Variants in STXBP5L observed in about 807,000 individuals in gnomAD.
STXBP5L encodes syntaxin-binding protein 5-like.
A neutral mutation model predicts 144.5 loss-of-function variants in STXBP5L; 65 were observed. That is an observed-to-expected ratio of 0.45 (90% CI 0.37 to 0.55). STXBP5L has a LOEUF of 0.55. Among genes scored for constraint, STXBP5L ranks in the 20% least tolerant of loss-of-function variants. The pLI, the probability that STXBP5L is intolerant of heterozygous loss-of-function variation, is 0.00. For synonymous variants in STXBP5L, 505 were observed against 469.6 expected (o/e 1.08, Z -0.97); for missense variants, 1,298 against 1,405.5 (o/e 0.92, Z 1.22).
intron 4 of STXBP5L, among the ~76,000 whole-genome samples, chr3:121,044,054 CA>C (rs1256954535): frequency 6.6e-6 from 1 of 152,022 alleles, no homozygotes; most frequent in African/African-American, 2.4e-5. Context: ...ATAAAACAGG[CA>C]AACAAACACA....
chr3:121,219,032 A>G (rs2048892408), intron 10 of STXBP5L, among the ~76,000 whole-genome samples: 1 of 152,192 alleles, frequency 6.6e-6, no homozygotes, highest in Non-Finnish European at 1.5e-5. Context: ...TTGCTAGTCA[A>G]TAATACAACT....
intron 7 of STXBP5L, among the ~76,000 whole-genome samples, chr3:121,127,698 C>T (rs993894611): frequency 6.6e-6 from 1 of 151,854 alleles, no homozygotes; most frequent in South Asian, 2.1e-4. Flanking sequence ...AAGTCACATT[C>T]TGAGGTTCTG....
intron 3 of STXBP5L, among the ~76,000 whole-genome samples, chr3:121,000,580 C>A (rs1943691135): frequency 6.6e-6 from 1 of 152,170 alleles, no homozygotes; most frequent in African/African-American, 2.4e-5. Context: ...ATGATCATTG[C>A]CATTGCCATC....
chr3:121,144,430 A>G (rs781113650), intron 7 of STXBP5L, among the ~76,000 whole-genome samples: 16 of 151,906 alleles, frequency 1.1e-4, no homozygotes, highest in South Asian at 2.1e-4. Context: ...CCAAGAATAG[A>G]TACTAGGATC....
chr3:121,406,811 GAAGTT>G (rs1201003452), intron 22 of STXBP5L, among the ~76,000 whole-genome samples: 1 of 151,864 alleles, frequency 6.6e-6, no homozygotes, highest in African/African-American at 2.4e-5. Flanking sequence ...TTTTTCAGTT[GAAGTT>G]ATTTCAATAA....
intron 3 of STXBP5L, among the ~76,000 whole-genome samples, chr3:121,003,523 G>A (rs13314307): frequency 0.099 from 15,079 of 152,116 alleles, 1,178 homozygotes; most frequent in Admixed American, 0.2. Flanking sequence ...TCTGATGGTA[G>A]TTTCTTTTGC....
chr3:121,167,335 G>T lies in STXBP5L; in HGVS notation c.877+9708G>T, dbSNP rs140176790. Reference sequence around the variant, plus strand: ...ACACATTTCAAATTAACAACCATTGGAATCCATCCTCATATAAAGATGGTA... The same window carrying T: ...ACACATTTCAAATTAACAACCATTGTAATCCATCCTCATATAAAGATGGTA... On this transcript the variant is annotated intron_variant, in intron 9 of 26. Transcript: ENST00000471454. Among the ~76,000 whole-genome samples the T allele has an allele frequency of 2.9e-3, 436 of 152,168 alleles. 2 individuals are homozygous for T. The highest frequency in any genetic ancestry group is 1.3e-3 in the Non-Finnish European group (87 of 68,000).
intron 5 of STXBP5L, among the ~76,000 whole-genome samples, chr3:121,053,279 G>A (rs948278412): frequency 6.6e-6 from 1 of 152,018 alleles, no homozygotes; most frequent in African/African-American, 2.4e-5. Flanking sequence ...ATCCCCCATT[G>A]CCAAGTCAAT....
chr3:121,062,816 A>G (rs529961769), intron 5 of STXBP5L, among the ~76,000 whole-genome samples: 1 of 152,132 alleles, frequency 6.6e-6, no homozygotes, highest in African/African-American at 2.4e-5. Flanking sequence ...ATACTTGTAT[A>G]TGCTTCACAA....
intron 5 of STXBP5L, among the ~76,000 whole-genome samples, chr3:121,089,100 A>T (rs1454874928): frequency 2.7e-5 from 3 of 111,334 alleles, no homozygotes; most frequent in African/African-American, 1.1e-4. Flanking sequence ...AATAAAAAAA[A>T]AAAAAAAAAA....
At chr3:121,417,066 A>G (rs1207389689) in intron 25 of STXBP5L, among the ~76,000 whole-genome samples, 2 of 152,208 alleles carry the variant, frequency 1.3e-5, no homozygotes, top group Non-Finnish European at 2.9e-5. Flanking sequence ...GCCAGACAAA[A>G]AAAAGGCCAC....
At chr3:121,317,415 G>T (rs558515376) in intron 19 of STXBP5L, among the ~76,000 whole-genome samples, 1 of 152,252 alleles carries the variant, frequency 6.6e-6, no homozygotes, top group Non-Finnish European at 1.5e-5. Context: ...CAAGAGTTGG[G>T]CTAGGTTGTC....
In STXBP5L at chr3:121,194,285, A is replaced by G. The variant is rs1293855434; in HGVS notation, c.878-11638A>G. 2.0e-5 allele frequency among the ~76,000 whole-genome samples: 3 copies of G among 152,234 alleles called. No homozygotes were observed. In the East Asian group the frequency reaches 5.8e-4, roughly 29 times the overall value. ...CATTTCAAAGCAATAAAACCATACA[A>G]TATTTGGCATTTTGTCACTGGCTTT... On this transcript the variant is annotated intron_variant, in intron 9 of 26. Transcript: ENST00000471454.
At chr3:121,287,134 T>G (rs1466450910) in intron 19 of STXBP5L, among the ~76,000 whole-genome samples, 1 of 152,124 alleles carries the variant, frequency 6.6e-6, no homozygotes, top group Non-Finnish European at 1.5e-5. Context: ...TGCCCAACAC[T>G]CAAATAAAGG....
intron 11 of STXBP5L, among the ~76,000 whole-genome samples, chr3:121,230,142 TG>T (rs1464627049): frequency 6.6e-6 from 1 of 152,226 alleles, no homozygotes; most frequent in Admixed American, 6.5e-5. Context: ...AGATTACTTA[TG>T]AAAACTGAGA....
At chr3:121,238,484 G>T (rs1226797498) in intron 12 of STXBP5L, among the ~76,000 whole-genome samples, 2 of 151,608 alleles carry the variant, frequency 1.3e-5, no homozygotes, top group Admixed American at 6.6e-5. Context: ...CCAACACTGG[G>T]GACTAAATTT....
In STXBP5L at chr3:121,315,463, C is replaced by T. The variant is rs551536975; in HGVS notation, c.2111-3012C>T. ...GAACACATGGACACAGGAAGGGGAA[C>T]ATCACACTCTGGGGACTGTTGTGGG... On this transcript the variant is annotated intron_variant, in intron 19 of 26. Transcript: ENST00000471454. 6.1e-5 allele frequency among the ~76,000 whole-genome samples: 8 copies of T among 130,906 alleles called. No homozygotes were observed. The South Asian group carries it at 1.5e-3, about 24-fold the overall frequency. The allele number at this position is 130,906 out of a possible 152,430, so 85.9% of individuals were successfully genotyped here. A position where few individuals can be genotyped will look rare whatever the true frequency, so the allele number is the denominator to read the frequency against.
intron 22 of STXBP5L, among the ~76,000 whole-genome samples, chr3:121,405,160 G>T (rs2046966586): frequency 6.6e-6 from 1 of 151,954 alleles, no homozygotes; most frequent in African/African-American, 2.4e-5. Context: ...TTCCTTAAAG[G>T]CTCCCTCTTC....
At chr3:121,194,622 T>A (rs1362321389) in intron 9 of STXBP5L, among the ~76,000 whole-genome samples, 2 of 152,178 alleles carry the variant, frequency 1.3e-5, no homozygotes, top group African/African-American at 2.4e-5. Flanking sequence ...CTGTTTTTTT[T>A]GGAGGGTTTG....
Sources: gnomAD v4.1 joint callset for allele counts (sites outside exome capture counted in the v4.1 genomes callset) on GRCh38, gnomAD v4.1.1 for gene constraint, MANE v1.5 for transcripts, NCBI Gene and HGNC (gene_info 2026-07-23, HGNC 2026-07-21) for gene names.